UGT1A6: variants seen among roughly 807,000 people sequenced by gnomAD.
UGT1A6 encodes UDP glucuronosyltransferase family 1 member A6, also known as UDP-glucuronosyltransferase 1A6.
In UGT1A6, 32 loss-of-function variants were observed where a neutral mutation model predicts 44.4. That is an observed-to-expected ratio of 0.72 (90% CI 0.54 to 0.97). The LOEUF (loss-of-function observed/expected upper bound fraction) is 0.97. Ranked by LOEUF, UGT1A6 falls within the 50% of genes least tolerant of loss-of-function variation. UGT1A6 has a pLI of 0.00. For synonymous variants in UGT1A6, 238 were observed against 248.5 expected (o/e 0.96, Z 0.40); for missense variants, 685 against 661.9 (o/e 1.03, Z -0.38).
chr2:233,714,908 G>A (rs149876180), intron 1 of UGT1A6, among the ~76,000 whole-genome samples: 2,802 of 146,068 alleles, frequency 0.019, 40 homozygotes, highest in South Asian at 0.029. Context: ...ATGGAGTCTT[G>A]CTCTGTCACC....
At chr2:233,739,460 T>C (rs1385095028) in intron 1 of UGT1A6, among the ~76,000 whole-genome samples, 1 of 152,240 alleles carries the variant, frequency 6.6e-6, no homozygotes, top group African/African-American at 2.4e-5. Context: ...GGGTTGGAGC[T>C]GCCTGAGACC....
chr2:233,716,576 A>G, intron 1 of UGT1A6, among the ~76,000 whole-genome samples: 1 of 152,194 alleles, frequency 6.6e-6, no homozygotes. Flanking sequence ...TAAAAACAAT[A>G]CTTTCAAAGA....
At position 233,758,069 on chromosome 2, in the gene UGT1A6, G is replaced by A. The variant is rs148016926; in HGVS notation, c.862-8965G>A. Among the ~76,000 whole-genome samples, 50 of 152,242 alleles carry A rather than the reference G, an allele frequency of 3.3e-4. No individual in the cohort carries two copies. In the East Asian group the frequency reaches 8.9e-3, roughly 27 times the overall value. ...AGGACCATTTCTAACTTGACTTTCT[G>A]GGCCTAGTTCCTAGCATAGTGACTG... On this transcript the variant is annotated intron_variant, in intron 1 of 4. Transcript: ENST00000305139.
chr2:233,694,793 A>C (rs6761246), intron 1 of UGT1A6, among the ~76,000 whole-genome samples: 98,206 of 152,078 alleles, frequency 0.65, 32,213 homozygotes, highest in African/African-American at 0.73. Flanking sequence ...GATAACTGAA[A>C]TGGTTCCAGG....
chr2:233,713,041 T>C (rs2076272665), intron 1 of UGT1A6: 1 of 1,614,036 alleles, frequency 6.2e-7, no homozygotes, highest in South Asian at 1.1e-5. Flanking sequence ...ACAGGACTGC[T>C]GCTTCTCCTC....
intron 1 of UGT1A6, chr2:233,717,989 C>A: frequency 2.3e-6 from 1 of 440,050 alleles, no homozygotes; most frequent in South Asian, 1.6e-5. Context: ...GGAATTCAGA[C>A]TGTGCAAGAT....
Position 233,747,171 on chromosome 2 carries a change from A to G in UGT1A6, c.862-19863A>G, listed in dbSNP as rs1693579128. The G allele has an allele frequency of 1.1e-5, 18 of 1,596,132 alleles. No homozygotes were observed. In the South Asian group the frequency reaches 1.8e-4, roughly 16 times the overall value. ...GATGAAGAAAACAAATGTAGGAGGC[A>G]CAGCGTGGGGTGGACAGTCAGCTGT... On this transcript the variant is annotated intron_variant, in intron 1 of 4. Coordinates refer to ENST00000305139, the MANE Select transcript of UGT1A6 (RefSeq NM_001072.4).
intron 1 of UGT1A6, among the ~76,000 whole-genome samples, chr2:233,695,436 T>C (rs368139709): frequency 6.7e-6 from 1 of 148,582 alleles, no homozygotes; most frequent in African/African-American, 2.5e-5. Flanking sequence ...CTTCTTCTTC[T>C]TTTTTTTTTG....
Position 233,734,907 on chromosome 2 carries a change from A to G in UGT1A6, c.862-32127A>G, listed in dbSNP as rs551401777. Among the ~76,000 whole-genome samples, 233 of 152,140 alleles carry G rather than the reference A, an allele frequency of 1.5e-3. 2 individuals carry two copies. The highest frequency in any genetic ancestry group is 5.2e-3 in the African/African-American group (218 of 41,544). On this transcript the variant is annotated intron_variant, in intron 1 of 4. Coordinates refer to ENST00000305139, the MANE Select transcript of UGT1A6 (RefSeq NM_001072.4). The stretch of plus-strand genomic sequence containing the variant: ...TTTGTTGTGATTTCTATTCTTTTAC[A>G]TTTGCTAAGGAGTGCTTTACTTACA...
intron 1 of UGT1A6, chr2:233,755,034 C>T (rs1309322723): frequency 1.5e-6 from 2 of 1,316,576 alleles, no homozygotes; most frequent in Admixed American, 3.8e-5. Context: ...GGGCCTGCCG[C>T]CTGCGCAGCC....
intron 1 of UGT1A6, among the ~76,000 whole-genome samples, chr2:233,696,060 C>T (rs766076590): frequency 2.6e-5 from 4 of 152,240 alleles, no homozygotes; most frequent in Admixed American, 6.5e-5. Flanking sequence ...TAAATTAGTA[C>T]AGCCACTATG....
intron 1 of UGT1A6, among the ~76,000 whole-genome samples, chr2:233,746,215 A>C (rs1693328060): frequency 6.6e-6 from 1 of 151,878 alleles, no homozygotes; most frequent in South Asian, 2.1e-4. Flanking sequence ...CTCTAATAGC[A>C]AGGACAGATA....
intron 1 of UGT1A6, among the ~76,000 whole-genome samples, chr2:233,720,721 CTT>C (rs1479620216): frequency 1.4e-5 from 1 of 71,278 alleles, no homozygotes; most frequent in Non-Finnish European, 3.0e-5. Context: ...TTTTTTTTTT[CTT>C]GAGACTGAGC....
chr2:233,754,931 G>T, intron 1 of UGT1A6: 1 of 1,344,540 alleles, frequency 7.4e-7, no homozygotes, highest in South Asian at 1.1e-5. Context: ...TTCCCAAGAG[G>T]TCAAAGGAGA....
intron 1 of UGT1A6, among the ~76,000 whole-genome samples, chr2:233,733,630 C>T (rs2078422347): frequency 6.6e-6 from 1 of 152,174 alleles, no homozygotes; most frequent in Non-Finnish European, 1.5e-5. Context: ...ATATGTTGAA[C>T]CAGCCTTGCA....
At chr2:233,756,909 C>T (rs1190068817) in intron 1 of UGT1A6, among the ~76,000 whole-genome samples, 1 of 152,062 alleles carries the variant, frequency 6.6e-6, no homozygotes, top group East Asian at 1.9e-4. Context: ...GAACAAACTT[C>T]TGAGTTTATA....
chr2:233,709,781 G>T (rs2076092056), intron 1 of UGT1A6, among the ~76,000 whole-genome samples: 4 of 152,082 alleles, frequency 2.6e-5, no homozygotes, highest in Admixed American at 2.6e-4. Flanking sequence ...GCAATAAAGT[G>T]CACCGTTTTA....
intron 1 of UGT1A6, among the ~76,000 whole-genome samples, chr2:233,722,492 T>G (rs1349668885): frequency 6.6e-6 from 1 of 152,244 alleles, no homozygotes; most frequent in African/African-American, 2.4e-5. Context: ...ACTGTTTCAT[T>G]TTCCGTTTCG....
rs143031439 is a variant in UGT1A6 at position 233,719,079 on chromosome 2, A to G, written c.861+25214A>G. ...AGCCTATGCTGTTCCATGGACCCAG[A>G]AGGAATTTGATCGCGTTACGCTGGG... On this transcript the variant is annotated intron_variant, in intron 1 of 4. Coordinates refer to ENST00000305139, the MANE Select transcript of UGT1A6 (RefSeq NM_001072.4). 42 of 1,614,102 alleles carry G rather than the reference A, an allele frequency of 2.6e-5. No homozygotes were observed. In the East Asian group the frequency reaches 3.3e-4, roughly 13 times the overall value.
Sources: allele counts gnomAD v4.1 joint callset (sites outside exome capture counted in the v4.1 genomes callset), GRCh38; gene constraint gnomAD v4.1.1; transcripts MANE v1.5; gene names NCBI Gene and HGNC (gene_info 2026-07-23, HGNC 2026-07-21).